Variants in MAGI2 observed in about 807,000 individuals in gnomAD.
The protein encoded by MAGI2 is membrane associated guanylate kinase, WW and PDZ domain containing 2.
In MAGI2, 35 loss-of-function variants were observed where a neutral mutation model predicts 133.3. That is an observed-to-expected ratio of 0.26 (90% confidence interval 0.20 to 0.35). The LOEUF is 0.35. Among genes scored for constraint, MAGI2 ranks in the 10% least tolerant of loss-of-function variants. The pLI is 1.00. For synonymous variants in MAGI2, 729 were observed against 710.6 expected, an observed-to-expected ratio of 1.03 and a Z score of -0.41; for missense variants, 1,636 against 1,863.4, an observed-to-expected ratio of 0.88 and a Z score of 2.25.
chr7:78,517,331 C>T (rs1003625387), intron 4 of MAGI2, among the ~76,000 whole-genome samples: 5 of 152,016 alleles, frequency 3.3e-5, no homozygotes, highest in African/African-American at 1.2e-4. Flanking sequence ...AGACTAAATC[C>T]TCTAAGCTGC....
At chr7:79,256,176 A>AGATGCC (rs1833664012) in intron 1 of MAGI2, among the ~76,000 whole-genome samples, 1 of 152,250 alleles carries the variant, frequency 6.6e-6, no homozygotes, top group Non-Finnish European at 1.5e-5. Flanking sequence ...AATTAGACGC[A>AGATGCC]GATGCCTCTC....
intron 1 of MAGI2, among the ~76,000 whole-genome samples, chr7:79,261,976 G>A (rs909442478): frequency 3.9e-5 from 6 of 152,078 alleles, no homozygotes; most frequent in African/African-American, 1.4e-4. Flanking sequence ...ATCAACCACT[G>A]ACTACTTAAC....
intron 20 of MAGI2, among the ~76,000 whole-genome samples, chr7:78,103,881 T>C (rs762906112): frequency 1.2e-4 from 18 of 152,240 alleles, no homozygotes; most frequent in Non-Finnish European, 1.9e-4. Flanking sequence ...CTCACTCTAG[T>C]AGTTGAAAAG....
intron 9 of MAGI2, among the ~76,000 whole-genome samples, chr7:78,311,301 A>G (rs1047549678): frequency 1.3e-5 from 2 of 152,232 alleles, no homozygotes; most frequent in Non-Finnish European, 2.9e-5. Flanking sequence ...AAAGAGGAAC[A>G]GTTGAGCAAT....
intron 1 of MAGI2, among the ~76,000 whole-genome samples, chr7:79,138,798 G>T (rs568917733): frequency 6.6e-6 from 1 of 152,080 alleles, no homozygotes; most frequent in Non-Finnish European, 1.5e-5. Flanking sequence ...GAGGTCAGGA[G>T]ATCGAGACCA....
At chr7:78,108,499 T>C (rs1024731779) in intron 20 of MAGI2, among the ~76,000 whole-genome samples, 1 of 152,254 alleles carries the variant, frequency 6.6e-6, no homozygotes, top group East Asian at 1.9e-4. Context: ...ATTTGGTCTA[T>C]AGTACAGATT....
At chr7:79,092,286 T>C (rs1307963700) in intron 1 of MAGI2, among the ~76,000 whole-genome samples, 1 of 152,190 alleles carries the variant, frequency 6.6e-6, no homozygotes, top group Non-Finnish European at 1.5e-5. Flanking sequence ...GATTTACTAA[T>C]TGGTATGCCC....
intron 2 of MAGI2, among the ~76,000 whole-genome samples, chr7:78,786,974 A>G (rs1826876500): frequency 6.6e-6 from 1 of 151,114 alleles, no homozygotes; most frequent in South Asian, 2.1e-4. Context: ...GTTTTTAGAC[A>G]GAGTCTCTCT....
chr7:78,399,869 A>C (rs12667208), intron 6 of MAGI2, among the ~76,000 whole-genome samples: 1 of 149,104 alleles, frequency 6.7e-6, no homozygotes. Context: ...GCGCATGAAC[A>C]CAGCTCAATC....
At chr7:78,319,914 T>C (rs1319529912) in intron 9 of MAGI2, among the ~76,000 whole-genome samples, 1 of 152,042 alleles carries the variant, frequency 6.6e-6, no homozygotes, top group African/African-American at 2.4e-5. Context: ...AAGAATCAAA[T>C]AGATGCAATA....
intron 2 of MAGI2, among the ~76,000 whole-genome samples, chr7:78,852,158 TA>T (rs1793193451): frequency 6.6e-6 from 1 of 152,164 alleles, no homozygotes; most frequent in African/African-American, 2.4e-5. Flanking sequence ...CCTTAATTAC[TA>T]ATGCATTTGA....
At chr7:78,598,205 T>G (rs560579388) in intron 3 of MAGI2, among the ~76,000 whole-genome samples, 111 of 152,316 alleles carry the variant, frequency 7.3e-4, no homozygotes, top group African/African-American at 2.6e-3. Context: ...ATAATTATAT[T>G]CTTTCAAGGA....
chr7:78,878,208 G>A (rs1795575692), intron 2 of MAGI2, among the ~76,000 whole-genome samples: 1 of 152,196 alleles, frequency 6.6e-6, no homozygotes, highest in Admixed American at 6.5e-5. Context: ...CTCAATGAAT[G>A]AATGTGACTT....
intron 1 of MAGI2, among the ~76,000 whole-genome samples, chr7:79,026,077 T>C (rs1031277498): frequency 6.6e-6 from 1 of 152,204 alleles, no homozygotes; most frequent in African/African-American, 2.4e-5. Flanking sequence ...GTCTATCAGT[T>C]AAAATTTCCT....
chr7:78,344,049 AT>A, intron 8 of MAGI2, 89 bp from the exon 9 acceptor site: 3 of 1,185,906 alleles, frequency 2.5e-6, no homozygotes, highest in Non-Finnish European at 3.6e-6. Context: ...AGCAGCGACA[AT>A]CCCAGGGGTA....
chr7:78,642,864 C>T (rs929124428), intron 2 of MAGI2, among the ~76,000 whole-genome samples: 2 of 152,200 alleles, frequency 1.3e-5, no homozygotes, highest in Non-Finnish European at 2.9e-5. Flanking sequence ...ACAGGCCAGG[C>T]TTCTAAGCAA....
chr7:78,661,216 C>G (rs1378148928), intron 2 of MAGI2, among the ~76,000 whole-genome samples: 2 of 148,098 alleles, frequency 1.4e-5, no homozygotes, highest in African/African-American at 5.0e-5. Flanking sequence ...AGATTATGCT[C>G]AAAGTCATGT....
chr7:78,654,693 TTACATATATGTATATATA>T (rs1811940870), intron 2 of MAGI2, among the ~76,000 whole-genome samples: 1 of 125,762 alleles, frequency 8.0e-6, no homozygotes, highest in African/African-American at 3.0e-5. Context: ...GTGTGTACTT[TTACATATATGTATATATA>T]TATATATATA....
chr7:78,761,004 T>C (rs1824454491), intron 2 of MAGI2, among the ~76,000 whole-genome samples: 1 of 152,242 alleles, frequency 6.6e-6, no homozygotes, highest in African/African-American at 2.4e-5. Flanking sequence ...TCCCCACCTC[T>C]AATGTCAAAA....
Sources: allele counts gnomAD v4.1 joint callset (sites outside exome capture counted in the v4.1 genomes callset), GRCh38; gene constraint gnomAD v4.1.1; transcripts MANE v1.5; gene names NCBI Gene and HGNC (gene_info 2026-07-23, HGNC 2026-07-21).